PTCHD4: variants seen among roughly 807,000 people sequenced by gnomAD.
The protein encoded by PTCHD4 is patched domain-containing protein 4.
PTCHD4 carries 33 observed loss-of-function variants against 58.1 expected under a neutral mutation model. That is an observed-to-expected ratio of 0.57 (90% CI 0.43 to 0.76). The LOEUF (loss-of-function observed/expected upper bound fraction) is 0.76, where lower values mean the gene tolerates loss of function less well. Ranked by LOEUF, PTCHD4 falls within the 30% of genes least tolerant of loss-of-function variation. PTCHD4 has a pLI of 0.00. For synonymous variants in PTCHD4, 478 were observed against 409.6 expected (o/e 1.17, Z -2.02); for missense variants, 1,058 against 1,027.1 (o/e 1.03, Z -0.41).
At position 47,877,737 on chromosome 6, in the gene PTCHD4, C is replaced by T. The variant is rs948261983; in HGVS notation, c.*566G>A. On this transcript the variant is annotated 3_prime_UTR_variant, in exon 5 of 5. Coordinates refer to ENST00000339488, the MANE Select transcript of PTCHD4 (RefSeq NM_001384253.1). Reference sequence around the variant, plus strand: ...AAATGGACAGCTCCCTCCACATAAACGTCAATGTACCCTAAAGACAAAACT... The same window carrying T: ...AAATGGACAGCTCCCTCCACATAAATGTCAATGTACCCTAAAGACAAAACT... Among the ~76,000 whole-genome samples, 6 of 151,950 alleles carry T rather than the reference C, an allele frequency of 3.9e-5. No homozygotes were observed. Among genetic ancestry groups the T allele is most frequent in the East Asian group, 1.9e-4 (1 of 5,162 alleles).
intron 4 of PTCHD4, among the ~76,000 whole-genome samples, chr6:47,943,685 G>C (rs1365878262): frequency 6.6e-6 from 1 of 151,916 alleles, no homozygotes; most frequent in Non-Finnish European, 1.5e-5. Context: ...TATTGCCTAT[G>C]GTAACTTTCA....
intron 4 of PTCHD4, among the ~76,000 whole-genome samples, chr6:47,964,604 A>T (rs761823277): frequency 2.6e-5 from 4 of 152,174 alleles, no homozygotes; most frequent in African/African-American, 4.8e-5. Flanking sequence ...CCTTTTAGAA[A>T]AAAGTGTAGG....
At chr6:47,948,498 C>T (rs145237906) in intron 4 of PTCHD4, among the ~76,000 whole-genome samples, 180 of 152,260 alleles carry the variant, frequency 1.2e-3, no homozygotes, top group African/African-American at 4.1e-3. Context: ...AATTTGTCCA[C>T]CAAATATACT....
chr6:47,942,427 C>A (rs1766266758), intron 4 of PTCHD4, among the ~76,000 whole-genome samples: 1 of 152,082 alleles, frequency 6.6e-6, no homozygotes, highest in Non-Finnish European at 1.5e-5. Context: ...TAAAGAATAG[C>A]AAAACACAAT....
rs1342169700 is a variant in PTCHD4 at position 47,868,527 on chromosome 6, TG to T, written c.*9775del. 6.6e-6 allele frequency among the ~76,000 whole-genome samples: 1 copy of T among 151,794 alleles called. No individual in the cohort carries two copies. Among genetic ancestry groups the T allele is most frequent in the African/African-American group, 2.4e-5 (1 of 41,400 alleles). Reference sequence around the variant, plus strand: ...AGAAGTCTTTTATATTTTTCTTCACTGAATGGATAATTACTGAACGTCTGCA... The same window carrying T: ...AGAAGTCTTTTATATTTTTCTTCACTAATGGATAATTACTGAACGTCTGCA... On this transcript the variant is annotated 3_prime_UTR_variant, in exon 5 of 5. Coordinates refer to ENST00000339488, the MANE Select transcript of PTCHD4 (RefSeq NM_001384253.1).
intron 1 of PTCHD4, among the ~76,000 whole-genome samples, chr6:48,080,263 G>A (rs1765140221): frequency 1.3e-5 from 2 of 152,058 alleles, no homozygotes; most frequent in Non-Finnish European, 2.9e-5. Flanking sequence ...CTAAAAAAAA[G>A]CAATGTAAAC....
rs574664445 is a variant in PTCHD4, at chr6:47,860,345, A to G, written c.*17958T>C. Among the ~76,000 whole-genome samples the G allele has an allele frequency of 7.2e-5, 11 of 152,092 alleles. No homozygotes were observed. The highest frequency in any genetic ancestry group is 1.5e-4 in the Non-Finnish European group (10 of 67,980). On this transcript the variant is annotated 3_prime_UTR_variant, in exon 5 of 5. Transcript: ENST00000339488. The stretch of plus-strand genomic sequence containing the variant: ...GAAATATATAAAACTGTCAATTAAG[A>G]AAAGACAAAGAAATATATGACTCTA...
intron 4 of PTCHD4, among the ~76,000 whole-genome samples, chr6:47,937,023 C>T (rs1248702272): frequency 6.6e-6 from 1 of 152,132 alleles, no homozygotes; most frequent in African/African-American, 2.4e-5. Flanking sequence ...AGCAAGAAAG[C>T]CCATGTGGCT....
intron 3 of PTCHD4, among the ~76,000 whole-genome samples, chr6:48,066,596 G>T (rs1230676288): frequency 2.6e-5 from 4 of 152,184 alleles, no homozygotes; most frequent in African/African-American, 7.2e-5. Flanking sequence ...TGATGGCAAA[G>T]GATTCGGGGA....
intron 1 of PTCHD4, among the ~76,000 whole-genome samples, chr6:48,085,708 T>C (rs1582124966): frequency 6.6e-6 from 1 of 152,230 alleles, no homozygotes; most frequent in African/African-American, 2.4e-5. Flanking sequence ...GGCTGATAAG[T>C]GAGCTGCTGA....
In PTCHD4 at chr6:48,085,978, G is replaced by A. The variant is rs559007153; in HGVS notation, c.-969-16052C>T. The stretch of plus-strand genomic sequence containing the variant: ...CTCCATTGTACTATAAGACTGCAAC[G>A]TTCAGAGTCTAATATTTTTTGGTTT... On this transcript the variant is annotated intron_variant, in intron 1 of 4. Coordinates refer to ENST00000339488, the MANE Select transcript of PTCHD4 (RefSeq NM_001384253.1). 4.0e-5 allele frequency among the ~76,000 whole-genome samples: 6 copies of A among 151,866 alleles called. No homozygotes were observed. In the South Asian group the frequency reaches 6.2e-4, roughly 16 times the overall value.
At chr6:48,058,505 A>C (rs759740513) in intron 3 of PTCHD4, among the ~76,000 whole-genome samples, 3 of 152,226 alleles carry the variant, frequency 2.0e-5, no homozygotes, top group Non-Finnish European at 1.5e-5. Flanking sequence ...GATGTGGAAG[A>C]AAATAGCAGA....
intron 3 of PTCHD4, among the ~76,000 whole-genome samples, chr6:48,040,654 T>G (rs1395602026): frequency 6.6e-6 from 1 of 152,112 alleles, no homozygotes; most frequent in Non-Finnish European, 1.5e-5. Context: ...AACTATGTAT[T>G]AAGTGTCAAC....
In PTCHD4 at chr6:47,866,725, A is replaced by C. The variant is rs1763571893; in HGVS notation, c.*11578T>G. Among the ~76,000 whole-genome samples the C allele has an allele frequency of 6.6e-6, 1 of 152,022 alleles. No individual in the cohort carries two copies. Among genetic ancestry groups the C allele is most frequent in the Non-Finnish European group, 1.5e-5 (1 of 67,872 alleles). ...TTTGGGGAGCACCACTATTATAATT[A>C]AAACTTTAACTATTAAAAAGGACAA... On this transcript the variant is annotated 3_prime_UTR_variant, in exon 5 of 5. Transcript: ENST00000339488.
chr6:48,078,487 G>C (rs964915537), intron 1 of PTCHD4, among the ~76,000 whole-genome samples: 2 of 152,208 alleles, frequency 1.3e-5, no homozygotes, highest in Non-Finnish European at 2.9e-5. Flanking sequence ...ATGACATGCT[G>C]CTTTGTGCAC....
Position 47,972,029 on chromosome 6 carries a change from C to T in PTCHD4, c.898+36605G>A, listed in dbSNP as rs541418338. On this transcript the variant is annotated intron_variant, in intron 4 of 4. Coordinates refer to ENST00000339488, the MANE Select transcript of PTCHD4 (RefSeq NM_001384253.1). Reference sequence around the variant, plus strand: ...GAGTAGGAAAGAAATGTAATAATAGCCCAGATTTGAAAAAAATATTTACAT... The same window carrying T: ...GAGTAGGAAAGAAATGTAATAATAGTCCAGATTTGAAAAAAATATTTACAT... 5.3e-5 allele frequency among the ~76,000 whole-genome samples: 8 copies of T among 152,002 alleles called. No individual in the cohort carries two copies. The South Asian group carries it at 1.5e-3, about 28-fold the overall frequency.
At position 48,008,999 on chromosome 6, in the gene PTCHD4, G is replaced by C; in HGVS notation, c.533C>G (p.Thr178Ser). 1 of 1,613,944 alleles carries C rather than the reference G, an allele frequency of 6.2e-7. No individual in the cohort carries two copies. The highest frequency in any genetic ancestry group is 1.1e-5 in the South Asian group (1 of 91,080). Residue 178 changes from threonine (T) to serine (S), a missense_variant, in exon 4 of 5, where the codon ACC becomes AGC. Physicochemically the swap from Thr to Ser is moderately conservative, Grantham distance 58. Transcript: ENST00000339488. Reference sequence around the variant, plus strand: ...GAGGTCTTGGGTGGCAGAGCCATAGGTCTGGAGGTAGTAGGTGATTTGAAT... The same window carrying C: ...GAGGTCTTGGGTGGCAGAGCCATAGCTCTGGAGGTAGTAGGTGATTTGAAT... ...RAIQITYYLQ[T>S]YGSATQDLIG... is the part of the protein sequence containing the mutation.
intron 4 of PTCHD4, among the ~76,000 whole-genome samples, chr6:48,004,983 C>T (rs1414004223): frequency 2.0e-5 from 3 of 152,164 alleles, no homozygotes; most frequent in Admixed American, 6.5e-5. Context: ...AGACTGCATG[C>T]ACCTCTAATA....
intron 4 of PTCHD4, among the ~76,000 whole-genome samples, chr6:47,975,696 A>C (rs1202761354): frequency 6.6e-6 from 1 of 152,190 alleles, no homozygotes; most frequent in Non-Finnish European, 1.5e-5. Context: ...TTAATTCTTT[A>C]GTAAATCTAG....
Sources: allele counts gnomAD v4.1 joint callset (sites outside exome capture counted in the v4.1 genomes callset), GRCh38; gene constraint gnomAD v4.1.1; transcripts MANE v1.5; gene names NCBI Gene and HGNC (gene_info 2026-07-23, HGNC 2026-07-21).